Variants in ARL8B observed in about 807,000 individuals in gnomAD.
ARL8B encodes the protein ADP-ribosylation factor-like protein 8B.
Under a neutral mutation model 30.6 loss-of-function variants are expected in ARL8B, and 9 were observed. The ratio of observed to expected loss-of-function variants is 0.29; its 90% confidence interval spans 0.18 to 0.51. The LOEUF (loss-of-function observed/expected upper bound fraction) is 0.51. Ranked by LOEUF, ARL8B falls within the 20% of genes least tolerant of loss-of-function variation. The probability of loss-of-function intolerance (pLI) is 0.97; values close to 1 mark genes in which losing one functional copy is unlikely to be tolerated. For missense variants in ARL8B, 130 were observed against 227.2 expected, an observed-to-expected ratio of 0.57 and a Z score of 2.75; for synonymous variants, 74 against 76.0, an observed-to-expected ratio of 0.97 and a Z score of 0.14.
At chr3:5,123,857 C>G (rs1179349421) in intron 1 of ARL8B, among the ~76,000 whole-genome samples, 1 of 152,218 alleles carries the variant, frequency 6.6e-6, no homozygotes, top group Admixed American at 6.6e-5. Context: ...TGTTCGGCTC[C>G]TTTTCTAGTA....
chr3:5,128,336 A>G lies in ARL8B; in HGVS notation c.123+5748A>G, dbSNP rs576376264. ...TGACTGGAGAAGCTAGTCTTCCAAT[A>G]AGGTGGTCTTCAAGTATAGATTCTG... On this transcript the variant is annotated intron_variant, in intron 1 of 6. Transcript: ENST00000256496. 1.4e-3 allele frequency: 481 copies of G among 347,590 alleles called. 8 individuals are homozygous for G. The highest frequency in any genetic ancestry group is 0.01 in the South Asian group (471 of 45,020). 21.5% of individuals were successfully genotyped at this position (347,590 alleles called of 1,614,324 possible).
In ARL8B at chr3:5,180,270, T is replaced by A. The variant is rs2054767131; in HGVS notation, c.*1557T>A. On this transcript the variant is annotated 3_prime_UTR_variant, in exon 7 of 7. Coordinates refer to ENST00000256496, the MANE Select transcript of ARL8B (RefSeq NM_018184.3). ...ACAGACACTACTTGCTTTTCTCCAT[T>A]CATATTTTTATGAGTAGAATCTGGG... 1 of 152,650 alleles carries A rather than the reference T, an allele frequency of 6.6e-6. No individual in the cohort carries two copies. The highest frequency in any genetic ancestry group is 2.1e-4 in the South Asian group (1 of 4,838). 9.5% of individuals were successfully genotyped at this position (152,650 alleles called of 1,614,324 possible). A position where few individuals can be genotyped will look rare whatever the true frequency, so the allele number is the denominator to read the frequency against.
At chr3:5,146,404 G>A (rs1045261830) in intron 1 of ARL8B, among the ~76,000 whole-genome samples, 10 of 152,110 alleles carry the variant, frequency 6.6e-5, no homozygotes, top group Non-Finnish European at 1.2e-4. Context: ...AGTATTGTAT[G>A]GTGACATGCA....
At chr3:5,136,940 T>C (rs955798055) in intron 1 of ARL8B, among the ~76,000 whole-genome samples, 17 of 152,216 alleles carry the variant, frequency 1.1e-4, no homozygotes, top group African/African-American at 4.1e-4. Context: ...TATTTATCTG[T>C]GCAAATTATC....
intron 1 of ARL8B, among the ~76,000 whole-genome samples, chr3:5,152,332 T>C (rs1343131328): frequency 6.6e-6 from 1 of 152,244 alleles, no homozygotes; most frequent in Non-Finnish European, 1.5e-5. Context: ...GTAATGTCCC[T>C]CTTTATCCTT....
chr3:5,162,085 A>T (rs992037924), intron 1 of ARL8B, among the ~76,000 whole-genome samples: 1 of 152,246 alleles, frequency 6.6e-6, no homozygotes, highest in Non-Finnish European at 1.5e-5. Flanking sequence ...GTCAAGGCAC[A>T]CAAAATGCAT....
At chr3:5,135,100 C>G (rs759946814) in intron 1 of ARL8B, among the ~76,000 whole-genome samples, 2 of 152,166 alleles carry the variant, frequency 1.3e-5, no homozygotes, top group Non-Finnish European at 2.9e-5. Flanking sequence ...CTGCCCACCT[C>G]AGCCTCCCAA....
At chr3:5,127,898 A>C (rs1355697138) in intron 1 of ARL8B, among the ~76,000 whole-genome samples, 1 of 149,704 alleles carries the variant, frequency 6.7e-6, no homozygotes. Context: ...AAAAAAAAAA[A>C]AAAGCGGAGG....
chr3:5,124,226 G>A (rs1275608251), intron 1 of ARL8B, among the ~76,000 whole-genome samples: 1 of 148,398 alleles, frequency 6.7e-6, no homozygotes, highest in African/African-American at 2.5e-5. Flanking sequence ...CGCAGGAATA[G>A]AAGAGTGGAA....
chr3:5,171,859 T>C (rs1363807294), intron 2 of ARL8B, among the ~76,000 whole-genome samples: 1 of 152,244 alleles, frequency 6.6e-6, no homozygotes, highest in Non-Finnish European at 1.5e-5. Flanking sequence ...ATGTTTTCAA[T>C]AATAGAAGTA....
chr3:5,151,084 T>C (rs2054479440), intron 1 of ARL8B, among the ~76,000 whole-genome samples: 1 of 152,114 alleles, frequency 6.6e-6, no homozygotes, highest in Non-Finnish European at 1.5e-5. Context: ...TTATTTTCCT[T>C]TGTTTATCAA....
chr3:5,174,553 T>C (rs954364170), intron 6 of ARL8B, 139 bp downstream of exon 6: 5 of 584,490 alleles, frequency 8.6e-6, no homozygotes, highest in Admixed American at 3.2e-5. Context: ...GAAAAAAGAA[T>C]AGACATACCT....
intron 1 of ARL8B, among the ~76,000 whole-genome samples, chr3:5,137,273 G>A (rs2054335414): frequency 6.6e-6 from 1 of 151,760 alleles, no homozygotes; most frequent in African/African-American, 2.4e-5. Flanking sequence ...GTGATATTCG[G>A]GGGTTAGGGC....
At position 5,178,738 on chromosome 3, in the gene ARL8B, C is replaced by G; in HGVS notation, c.*25C>G. ...AAGCATCTCCTGAAGTCTTCCAGTC[C>G]TTCTTGGCTATAATCCTAGAATTAT... On this transcript the variant is annotated 3_prime_UTR_variant, in exon 7 of 7. Transcript: ENST00000256496. The G allele has an allele frequency of 1.2e-6, 2 of 1,611,332 alleles. No homozygotes were observed. Among genetic ancestry groups the G allele is most frequent in the Non-Finnish European group, 1.7e-6 (2 of 1,179,398 alleles).
intron 1 of ARL8B, among the ~76,000 whole-genome samples, chr3:5,143,117 C>T (rs1575563489): frequency 1.3e-5 from 2 of 152,266 alleles, no homozygotes; most frequent in East Asian, 1.9e-4. Flanking sequence ...TTCAAAATTC[C>T]CACAAGGTGA....
chr3:5,166,759 C>T (rs1291998339), intron 1 of ARL8B, among the ~76,000 whole-genome samples: 4 of 152,218 alleles, frequency 2.6e-5, no homozygotes, highest in Non-Finnish European at 4.4e-5. Context: ...TTCCATTTGT[C>T]TCATTTCTGA....
chr3:5,164,356 T>C (rs1436523714), intron 1 of ARL8B, among the ~76,000 whole-genome samples: 1 of 152,248 alleles, frequency 6.6e-6, no homozygotes, highest in Non-Finnish European at 1.5e-5. Context: ...TCTTCTGTTT[T>C]GAGATGCACT....
chr3:5,170,121 A>G (rs1344681751), intron 1 of ARL8B, among the ~76,000 whole-genome samples: 4 of 152,212 alleles, frequency 2.6e-5, no homozygotes, highest in African/African-American at 4.8e-5. Context: ...GTGAATTTTA[A>G]TAGTTACTGT....
chr3:5,172,356 T>C, intron 3 of ARL8B, 133 bp downstream of exon 3: 1 of 791,554 alleles, frequency 1.3e-6, no homozygotes, highest in South Asian at 1.8e-5. Context: ...TATCCTAGTG[T>C]AATTCCCAAC....
Sources: allele counts gnomAD v4.1 joint callset (sites outside exome capture counted in the v4.1 genomes callset), GRCh38; gene constraint gnomAD v4.1.1; transcripts MANE v1.5; gene names NCBI Gene and HGNC (gene_info 2026-07-23, HGNC 2026-07-21).